AGAP1: variants seen among roughly 807,000 people sequenced by gnomAD.
AGAP1 encodes arf-GAP with GTPase, ANK repeat and PH domain-containing protein 1.
In AGAP1, 29 loss-of-function variants were observed where a neutral mutation model predicts 105.3. The ratio of observed to expected loss-of-function variants is 0.28; its 90% confidence interval spans 0.21 to 0.38. AGAP1 has a LOEUF of 0.38. AGAP1 is among the 10% of genes least tolerant of loss of function. AGAP1 has a pLI of 1.00. For synonymous variants in AGAP1, 509 were observed against 485.9 expected (o/e 1.05, Z -0.63); for missense variants, 998 against 1,165.1 (o/e 0.86, Z 2.09).
In AGAP1 at chr2:235,891,783, G is replaced by A. The variant is rs1421950322; in HGVS notation, c.1155+8334G>A. ...CCTGGCTCTCTGGGCTTCCTCAGGA[G>A]GTCGTTTGGCAGCTGTGAAACTCCT... On this transcript the variant is annotated intron_variant, in intron 10 of 17. Transcript: ENST00000304032. This position sits in a 1 kb window ranked among gnomAD's most constrained non-coding sequence, Gnocchi z 4.2. Among the ~76,000 whole-genome samples the A allele has an allele frequency of 6.6e-6, 1 of 152,116 alleles. No individual in the cohort carries two copies. The highest frequency in any genetic ancestry group is 2.4e-5 in the African/African-American group (1 of 41,414).
At chr2:235,629,306 GTGTGTGTGTGTGTA>G (rs1230230599) in intron 1 of AGAP1, among the ~76,000 whole-genome samples, 8 of 134,930 alleles carry the variant, frequency 5.9e-5, no homozygotes, top group African/African-American at 8.4e-5. Flanking sequence ...GTGTGTGTGT[GTGTGTGTGTGTGTA>G]TGTGTATACA....
At chr2:235,589,821 T>TGG (rs1553573845) in intron 1 of AGAP1, among the ~76,000 whole-genome samples, 1 of 148,700 alleles carries the variant, frequency 6.7e-6, no homozygotes, top group Non-Finnish European at 1.5e-5. Flanking sequence ...TCAGAGCATC[T>TGG]AGAGAGAGAG....
chr2:235,722,392 C>G (rs946660029), intron 3 of AGAP1, among the ~76,000 whole-genome samples: 3 of 152,112 alleles, frequency 2.0e-5, no homozygotes, highest in African/African-American at 2.4e-5. Flanking sequence ...TAATCATGAC[C>G]TGTGGCTGGT....
chr2:235,783,708 C>A (rs576570499), intron 6 of AGAP1, among the ~76,000 whole-genome samples: 25 of 151,796 alleles, frequency 1.6e-4, no homozygotes, highest in Admixed American at 2.6e-4. Flanking sequence ...AGAATGGTTG[C>A]CAGGAAGTGA....
chr2:235,671,009 G>A (rs1246890153), intron 1 of AGAP1: 10 of 1,321,146 alleles, frequency 7.6e-6, no homozygotes, highest in African/African-American at 1.5e-5. Flanking sequence ...GGCCCCGGCC[G>A]AAGCGCACTC....
rs1439410226 is a variant in AGAP1 at position 235,906,223 on chromosome 2, G to A, written c.1156-2515G>A. On this transcript the variant is annotated intron_variant, in intron 10 of 17. Transcript: ENST00000304032. This position sits in a 1 kb window ranked among gnomAD's most constrained non-coding sequence, Gnocchi z 5.3. ...CCCGGCCTCTGGGCTGATGTGAGAT[G>A]CACGCGTGCCAGGGTTTTCTGCCTG... 6.6e-6 allele frequency among the ~76,000 whole-genome samples: 1 copy of A among 152,196 alleles called. No homozygotes were observed. The highest frequency in any genetic ancestry group is 1.5e-5 in the Non-Finnish European group (1 of 68,034).
chr2:235,572,511 T>G (rs1487568490), intron 1 of AGAP1, among the ~76,000 whole-genome samples: 1 of 152,070 alleles, frequency 6.6e-6, no homozygotes, highest in African/African-American at 2.4e-5. Context: ...CCTGCGTCCT[T>G]TGCACCATAC....
At position 235,689,787 on chromosome 2, in the gene AGAP1, T is replaced by C. The variant is rs1213188276; in HGVS notation, c.164-19392T>C. ...GTGCACACTTGTGTGACGTGTCAGC[T>C]CGTGCCTGCAGAGACTCTGCCAGCA... On this transcript the variant is annotated intron_variant, in intron 1 of 17. Transcript: ENST00000304032. This position sits in a 1 kb window ranked among gnomAD's most constrained non-coding sequence, Gnocchi z 4.2. Among the ~76,000 whole-genome samples the C allele has an allele frequency of 1.3e-5, 2 of 152,244 alleles. No individual in the cohort carries two copies. The highest frequency in any genetic ancestry group is 2.9e-5 in the Non-Finnish European group (2 of 68,046).
At position 235,787,476 on chromosome 2, in the gene AGAP1, C is replaced by G. The variant is rs115947038; in HGVS notation, c.674-10283C>G. ...CTATATCCCACATGCTGCCACTTAT[C>G]TAACACATTGGGAGAGAAAGGTGCA... On this transcript the variant is annotated intron_variant, in intron 6 of 17. Transcript: ENST00000304032. The surrounding 1 kb of genome is among the most constrained non-coding windows in gnomAD (Gnocchi z 4.4). 0.02 allele frequency among the ~76,000 whole-genome samples: 3,108 copies of G among 152,308 alleles called. 96 individuals carry two copies. The highest frequency in any genetic ancestry group is 0.071 in the African/African-American group (2,956 of 41,568).
intron 1 of AGAP1, among the ~76,000 whole-genome samples, chr2:235,661,615 C>T (rs1159799733): frequency 3.3e-5 from 5 of 152,080 alleles, no homozygotes; most frequent in Non-Finnish European, 7.4e-5. Flanking sequence ...TTGGGGCTTC[C>T]GATGCTCGTG....
At chr2:236,034,672 T>TCATA (rs2057325927) in intron 13 of AGAP1, among the ~76,000 whole-genome samples, 1 of 152,158 alleles carries the variant, frequency 6.6e-6, no homozygotes, top group Admixed American at 6.5e-5. Flanking sequence ...CCAGCCCGTA[T>TCATA]CGGTCCCTTT....
Position 235,545,747 on chromosome 2 carries a change from C to T in AGAP1, c.163+50898C>T, listed in dbSNP as rs117231350. On this transcript the variant is annotated intron_variant, in intron 1 of 17. Coordinates refer to ENST00000304032, the MANE Select transcript of AGAP1 (RefSeq NM_001037131.3). ...TGTCACCTGCAGTGGCATTCTTCTT[C>T]CAGCCTGTGGGATGTTGCTTTATGC... Among the ~76,000 whole-genome samples the T allele has an allele frequency of 2.4e-4, 37 of 152,344 alleles. 1 individual carries two copies. In the East Asian group the frequency reaches 6.0e-3, roughly 25 times the overall value.
In AGAP1 at chr2:235,971,490, G is replaced by A. The variant is rs2125360173; in HGVS notation, c.1645+2867G>A. On this transcript the variant is annotated intron_variant, in intron 13 of 17. Transcript: ENST00000304032. This position sits in a 1 kb window ranked among gnomAD's most constrained non-coding sequence, Gnocchi z 4.8. ...CTGAGGCGGGCGGATCACGAGGTCA[G>A]GAGATCGAGACCATCCTGGCTAACA... Among the ~76,000 whole-genome samples, 2 of 152,226 alleles carry A rather than the reference G, an allele frequency of 1.3e-5. No homozygotes were observed. The highest frequency in any genetic ancestry group is 6.8e-3 in the Middle Eastern group (2 of 294).
Position 235,963,160 on chromosome 2 carries a change from G to A in AGAP1, c.1484-5302G>A, listed in dbSNP as rs534793970. 2.2e-4 allele frequency among the ~76,000 whole-genome samples: 33 copies of A among 152,254 alleles called. No individual in the cohort carries two copies. Among genetic ancestry groups the A allele is most frequent in the African/African-American group, 7.2e-4 (30 of 41,534 alleles). Reference sequence around the variant, plus strand: ...TTAGCTGCTTCCTCCAGGTGAGTCCGGGATTTCTCGGACTCACCAAGAGAA... The same window carrying A: ...TTAGCTGCTTCCTCCAGGTGAGTCCAGGATTTCTCGGACTCACCAAGAGAA... On this transcript the variant is annotated intron_variant, in intron 12 of 17. Coordinates refer to ENST00000304032, the MANE Select transcript of AGAP1 (RefSeq NM_001037131.3). This position sits in a 1 kb window ranked among gnomAD's most constrained non-coding sequence, Gnocchi z 5.1.
rs1951545527 is a variant in AGAP1, at chr2:235,724,374, G to C, written c.310+6730G>C. ...TCCCAGCTCGGGCCACACATAGGCA[G>C]CAGCTGCCCCCATGCTCTGTCCCAG... On this transcript the variant is annotated intron_variant, in intron 3 of 17. Coordinates refer to ENST00000304032, the MANE Select transcript of AGAP1 (RefSeq NM_001037131.3). The surrounding 1 kb of genome is among the most constrained non-coding windows in gnomAD (Gnocchi z 4.9). 6.6e-6 allele frequency among the ~76,000 whole-genome samples: 1 copy of C among 152,236 alleles called. No individual in the cohort carries two copies. The highest frequency in any genetic ancestry group is 1.5e-5 in the Non-Finnish European group (1 of 68,042).
At chr2:235,826,124 T>A (rs1445237495) in intron 9 of AGAP1, among the ~76,000 whole-genome samples, 1 of 152,212 alleles carries the variant, frequency 6.6e-6, no homozygotes, top group Non-Finnish European at 1.5e-5. Context: ...AGCCACCTGC[T>A]TAGTTGTTGG....
At chr2:236,106,629 A>G (rs1382001655) in intron 16 of AGAP1, among the ~76,000 whole-genome samples, 1 of 152,244 alleles carries the variant, frequency 6.6e-6, no homozygotes, top group Non-Finnish European at 1.5e-5. Context: ...CTGGGCTCCC[A>G]TGAATGCATT....
rs2057341453 is a variant in AGAP1, at chr2:236,035,182, C to T, written c.1646-1379C>T. On this transcript the variant is annotated intron_variant, in intron 13 of 17. Coordinates refer to ENST00000304032, the MANE Select transcript of AGAP1 (RefSeq NM_001037131.3). The surrounding 1 kb of genome is among the most constrained non-coding windows in gnomAD (Gnocchi z 4.2). ...CATGAGCCAGCCCAATGGCCACGGG[C>T]TGGTGACAGAGATAAGTAAAGTGGT... Among the ~76,000 whole-genome samples the T allele has an allele frequency of 1.3e-5, 2 of 152,104 alleles. No individual in the cohort carries two copies. Among genetic ancestry groups the T allele is most frequent in the Non-Finnish European group, 2.9e-5 (2 of 68,024 alleles).
intron 9 of AGAP1, among the ~76,000 whole-genome samples, chr2:235,809,899 T>C (rs1157620889): frequency 6.6e-6 from 1 of 152,188 alleles, no homozygotes; most frequent in East Asian, 1.9e-4. Flanking sequence ...GTGCTGTTCA[T>C]ACAAGATCCC....
Sources: gnomAD v4.1 joint callset for allele counts (sites outside exome capture counted in the v4.1 genomes callset) on GRCh38, gnomAD v4.1.1 for gene constraint, Gnocchi (gnomAD v3.1) non-coding constraint, MANE v1.5 for transcripts, NCBI Gene and HGNC (gene_info 2026-07-23, HGNC 2026-07-21) for gene names.